The following DGKI variants were observed in gnomAD, a reference collection of about 807,000 sequenced individuals.
DGKI encodes DAG kinase iota.
In DGKI, 55 loss-of-function variants were observed where a neutral mutation model predicts 147.5. The ratio of observed to expected loss-of-function variants is 0.37; its 90% CI spans 0.30 to 0.47. DGKI has a LOEUF of 0.47. DGKI is among the 20% of genes least tolerant of loss of function. DGKI has a pLI of 1.00. For missense variants in DGKI, 1,007 were observed against 1,323.8 expected (o/e 0.76, Z 3.71); for synonymous variants, 469 against 477.1 (o/e 0.98, Z 0.22).
chr7:137,641,304 G>A (rs1180284249), intron 6 of DGKI, among the ~76,000 whole-genome samples: 5 of 152,080 alleles, frequency 3.3e-5, no homozygotes, highest in East Asian at 1.9e-4. Flanking sequence ...TAAACAGCAC[G>A]AAAACAGCCT....
intron 27 of DGKI, among the ~76,000 whole-genome samples, chr7:137,446,569 T>C (rs1444036870): frequency 6.6e-6 from 1 of 151,882 alleles, no homozygotes; most frequent in Non-Finnish European, 1.5e-5. Flanking sequence ...CTACTGAAAA[T>C]ACAAAAAGTA....
At chr7:137,583,614 A>C (rs568285418) in intron 14 of DGKI, among the ~76,000 whole-genome samples, 1 of 152,318 alleles carries the variant, frequency 6.6e-6, no homozygotes, top group South Asian at 2.1e-4. Flanking sequence ...CCCTTTAATT[A>C]TCTGGATTGG....
At chr7:137,623,350 A>C in intron 7 of DGKI, 133 bp downstream of exon 7, 19 of 773,622 alleles carry the variant, frequency 2.5e-5, no homozygotes, top group African/African-American at 3.4e-5. Flanking sequence ...TTCTTCCTCC[A>C]AGGATCCTAT....
intron 21 of DGKI, among the ~76,000 whole-genome samples, chr7:137,488,668 C>T (rs1441763361): frequency 6.6e-6 from 1 of 152,228 alleles, no homozygotes. Flanking sequence ...GAATTTTTTA[C>T]AATCGTTCAC....
intron 1 of DGKI, among the ~76,000 whole-genome samples, chr7:137,841,502 C>G (rs1235211550): frequency 6.6e-6 from 1 of 152,188 alleles, no homozygotes. Context: ...CATTTATTTG[C>G]AGTAACTACT....
chr7:137,717,995 C>T (rs1794431833), intron 1 of DGKI, among the ~76,000 whole-genome samples: 1 of 152,196 alleles, frequency 6.6e-6, no homozygotes, highest in East Asian at 1.9e-4. Flanking sequence ...AAGAGGAGTA[C>T]TGCTCGGAGG....
rs183655733 is a variant in DGKI, at chr7:137,795,095, T to G, written c.401+51367A>C. 3.6e-4 allele frequency among the ~76,000 whole-genome samples: 55 copies of G among 152,262 alleles called. No individual in the cohort carries two copies. The East Asian group carries it at 9.5e-3, about 26-fold the overall frequency. On this transcript the variant is annotated intron_variant, in intron 1 of 32. Transcript: ENST00000614521. ...GACAGAATGATGCTCCCTGAAAGTA[T>G]GAGAGCAGTTGCAAAAATTGTCAAA...
At chr7:137,761,497 C>A (rs934906616) in intron 1 of DGKI, among the ~76,000 whole-genome samples, 1 of 152,182 alleles carries the variant, frequency 6.6e-6, no homozygotes, top group Non-Finnish European at 1.5e-5. Context: ...AAAGAAAGTA[C>A]ACAGAAATCA....
rs182466673 is a variant in DGKI at position 137,742,354 on chromosome 7, C to T, written c.402-52352G>A. ...AAGGAAGAAACAGAACTTCAAAATC[C>T]TTCCTAGGTAGGGCCCCTTCTGCAA... On this transcript the variant is annotated intron_variant, in intron 1 of 32. Coordinates refer to ENST00000614521, the MANE Select transcript of DGKI (RefSeq NM_001321708.2). Among the ~76,000 whole-genome samples the T allele has an allele frequency of 5.9e-5, 9 of 152,202 alleles. No individual in the cohort carries two copies. In the East Asian group the frequency reaches 1.5e-3, roughly 26 times the overall value.
chr7:137,391,128 A>G lies in DGKI; in HGVS notation c.*92T>C, dbSNP rs534011012. On this transcript the variant is annotated 3_prime_UTR_variant, in exon 33 of 33. Transcript: ENST00000614521. The stretch of plus-strand genomic sequence containing the variant: ...CTTGCAGGAGAGAGACAGATATATG[A>G]ATTCCATCAGCTTCTTCCAGGGGAG... 1.0e-6 allele frequency: 1 copy of G among 962,134 alleles called. No individual in the cohort carries two copies. The highest frequency in any genetic ancestry group is 1.7e-5 in the Admixed American group (1 of 58,780). 59.6% of individuals were successfully genotyped at this position (962,134 alleles called of 1,614,324 possible).
chr7:137,693,362 C>T lies in DGKI; in HGVS notation c.402-3360G>A, dbSNP rs762987875. Among the ~76,000 whole-genome samples, 18 of 152,236 alleles carry T rather than the reference C, an allele frequency of 1.2e-4. No individual in the cohort carries two copies. In the East Asian group the frequency reaches 3.3e-3, roughly 28 times the overall value. Reference sequence around the variant, plus strand: ...TCTTTCTATTAATTTCACAACAACGCTTCATAGGAGATGGCTATAATCACA... The same window carrying T: ...TCTTTCTATTAATTTCACAACAACGTTTCATAGGAGATGGCTATAATCACA... On this transcript the variant is annotated intron_variant, in intron 1 of 32. Coordinates refer to ENST00000614521, the MANE Select transcript of DGKI (RefSeq NM_001321708.2).
In DGKI at chr7:137,645,464, G is replaced by A. The variant is rs1382921533; in HGVS notation, c.804+8C>T. 6.2e-7 allele frequency: 1 copy of A among 1,612,660 alleles called. No individual in the cohort carries two copies. The highest frequency in any genetic ancestry group is 8.5e-7 in the Non-Finnish European group (1 of 1,179,172). ...TCCTGCGAGGCCATGAGGTGGCTGG[G>A]CTCTTACCTTACCACACTGCTTACA... On this transcript the variant is annotated splice_region_variant and intron_variant, in intron 6 of 32. Coordinates refer to ENST00000614521, the MANE Select transcript of DGKI (RefSeq NM_001321708.2).
At chr7:137,437,631 G>C (rs1028768254) in intron 28 of DGKI, among the ~76,000 whole-genome samples, 2 of 151,904 alleles carry the variant, frequency 1.3e-5, no homozygotes, top group Non-Finnish European at 2.9e-5. Flanking sequence ...AATTTGATAC[G>C]CTAATTTTAT....
intron 19 of DGKI, among the ~76,000 whole-genome samples, chr7:137,556,633 C>A (rs1011657807): frequency 6.6e-6 from 1 of 152,038 alleles, no homozygotes; most frequent in Admixed American, 6.5e-5. Flanking sequence ...GACTTTTATG[C>A]AGAAAACTTT....
At chr7:137,541,177 C>A (rs1646366) in intron 20 of DGKI, among the ~76,000 whole-genome samples, 6,517 of 152,212 alleles carry the variant, frequency 0.043, 348 homozygotes, top group East Asian at 0.11. Flanking sequence ...ATGGCACTGG[C>A]AAAGGCATAA....
intron 27 of DGKI, among the ~76,000 whole-genome samples, chr7:137,451,111 G>A (rs1372783192): frequency 5.9e-5 from 9 of 152,128 alleles, no homozygotes; most frequent in East Asian, 1.9e-4. Context: ...CACAAACTTC[G>A]AAAACAAACA....
In DGKI at chr7:137,653,401, A is replaced by T. The variant is rs553812572; in HGVS notation, c.738+1331T>A. ...GCCTGAACAATATTTGGCTTAAAGT[A>T]GTTTAATGCTCACCTCCCAACTATC... On this transcript the variant is annotated intron_variant, in intron 5 of 32. Coordinates refer to ENST00000614521, the MANE Select transcript of DGKI (RefSeq NM_001321708.2). Among the ~76,000 whole-genome samples the T allele has an allele frequency of 3.9e-5, 6 of 152,370 alleles. No homozygotes were observed. The South Asian group carries it at 1.2e-3, about 32-fold the overall frequency.
chr7:137,555,669 A>C (rs1220080496), intron 19 of DGKI, among the ~76,000 whole-genome samples: 1 of 152,180 alleles, frequency 6.6e-6, no homozygotes, highest in Non-Finnish European at 1.5e-5. Flanking sequence ...TAACTTACGA[A>C]GTTTGGTGTA....
At chr7:137,501,888 G>A (rs1189838420) in intron 21 of DGKI, among the ~76,000 whole-genome samples, 1 of 152,102 alleles carries the variant, frequency 6.6e-6, no homozygotes, top group Non-Finnish European at 1.5e-5. Context: ...GTTGTGGGAG[G>A]GACCTGGTGG....
Sources: allele counts gnomAD v4.1 joint callset (sites outside exome capture counted in the v4.1 genomes callset), GRCh38; gene constraint gnomAD v4.1.1; transcripts MANE v1.5; gene names NCBI Gene and HGNC (gene_info 2026-07-23, HGNC 2026-07-21).